Variants in DLGAP2 observed in about 807,000 individuals in gnomAD.
DLGAP2 encodes DLG associated protein 2, also known as disks large-associated protein 2.
DLGAP2 carries 26 observed loss-of-function variants against 100.3 expected under a neutral mutation model. The ratio of observed to expected loss-of-function variants is 0.26; its 90% CI spans 0.19 to 0.36. The LOEUF (loss-of-function observed/expected upper bound fraction) is 0.36. Among genes scored for constraint, DLGAP2 ranks in the 10% least tolerant of loss-of-function variants. The pLI, the probability that DLGAP2 is intolerant of heterozygous loss-of-function variation, is 1.00. For synonymous variants in DLGAP2, 886 were observed against 630.1 expected, an observed-to-expected ratio of 1.41 and a Z score of -6.08; for missense variants, 1,858 against 1,453.2, an observed-to-expected ratio of 1.28 and a Z score of -4.53.
intron 2 of DLGAP2, among the ~76,000 whole-genome samples, chr8:999,836 CTCTTT>C (rs1374044716): frequency 6.6e-6 from 1 of 152,198 alleles, no homozygotes; most frequent in Non-Finnish European, 1.5e-5. Flanking sequence ...CTTTTTTCAT[CTCTTT>C]TATTATCTCA....
chr8:1,416,364 C>G (rs10110363), intron 3 of DLGAP2, among the ~76,000 whole-genome samples: 10,934 of 152,252 alleles, frequency 0.072, 928 homozygotes, highest in East Asian at 0.34. Context: ...TGCCTGGTCA[C>G]TTGAGGGAGG....
At chr8:1,162,482 C>G (rs1390419533) in intron 2 of DLGAP2, among the ~76,000 whole-genome samples, 1 of 152,208 alleles carries the variant, frequency 6.6e-6, no homozygotes, top group Non-Finnish European at 1.5e-5. Context: ...CTGCTAGCAT[C>G]ACTAGGAACA....
chr8:897,208 C>T (rs1798159025), intron 1 of DLGAP2, among the ~76,000 whole-genome samples: 1 of 152,138 alleles, frequency 6.6e-6, no homozygotes, highest in Non-Finnish European at 1.5e-5. Context: ...GCACTCAATC[C>T]CTTATTTCAC....
chr8:1,298,013 CAG>C (rs1800229730), intron 3 of DLGAP2, among the ~76,000 whole-genome samples: 1 of 28,350 alleles, frequency 3.5e-5, no homozygotes, highest in South Asian at 1.3e-3. Flanking sequence ...CCACGTGAGA[CAG>C]GGAGGAGAAA....
intron 2 of DLGAP2, among the ~76,000 whole-genome samples, chr8:1,126,129 G>A (rs939774394): frequency 1.3e-5 from 2 of 152,226 alleles, no homozygotes. Flanking sequence ...CGGTGAATAC[G>A]TGAGGCAGTG....
chr8:1,088,429 C>T (rs1804049404), intron 2 of DLGAP2, among the ~76,000 whole-genome samples: 1 of 152,122 alleles, frequency 6.6e-6, no homozygotes, highest in Non-Finnish European at 1.5e-5. Context: ...TTTCCATCTT[C>T]TATGGCAGTT....
intron 2 of DLGAP2, among the ~76,000 whole-genome samples, chr8:1,162,099 C>A (rs928920411): frequency 1.3e-5 from 2 of 152,206 alleles, no homozygotes; most frequent in African/African-American, 4.8e-5. Context: ...TCATTAATGC[C>A]CGTAAGCCCG....
In DLGAP2 at chr8:1,298,976, G is replaced by A. The variant is rs868500103; in HGVS notation, c.106+40093G>A. Among the ~76,000 whole-genome samples, 49 of 152,222 alleles carry A rather than the reference G, an allele frequency of 3.2e-4. 1 individual carries two copies. Among genetic ancestry groups the A allele is most frequent in the Middle Eastern group, 3.4e-3 (1 of 294 alleles). On this transcript the variant is annotated intron_variant, in intron 3 of 14. Coordinates refer to ENST00000637795, the MANE Select transcript of DLGAP2 (RefSeq NM_001346810.2). ...GCATTCACGTCTGTCTCAGTGGCTCGTGCTGAATGACCCAAAGGGGCCCAA... is the reference window on the plus strand; with the variant it reads ...GCATTCACGTCTGTCTCAGTGGCTCATGCTGAATGACCCAAAGGGGCCCAA...
intron 2 of DLGAP2, among the ~76,000 whole-genome samples, chr8:1,150,240 A>G (rs994179272): frequency 6.6e-6 from 1 of 152,210 alleles, no homozygotes; most frequent in East Asian, 1.9e-4. Flanking sequence ...ATGTTTTCTC[A>G]GCTCTAGAAC....
At chr8:839,334 T>A (rs1796939254) in intron 1 of DLGAP2, among the ~76,000 whole-genome samples, 1 of 152,236 alleles carries the variant, frequency 6.6e-6, no homozygotes, top group Non-Finnish European at 1.5e-5. Flanking sequence ...TCATTCTAGA[T>A]GTCTAACAAC....
chr8:1,695,995 G>A (rs912655908), intron 13 of DLGAP2, among the ~76,000 whole-genome samples: 6 of 152,228 alleles, frequency 3.9e-5, no homozygotes, highest in African/African-American at 1.4e-4. Flanking sequence ...GGGCTCAGCC[G>A]CGCGGAGGGC....
rs1255153835 is a variant in DLGAP2 at position 1,282,871 on chromosome 8, C to A, written c.106+23988C>A. Among the ~76,000 whole-genome samples, 46 of 119,046 alleles carry A rather than the reference C, an allele frequency of 3.9e-4. 1 individual carries two copies. The highest frequency in any genetic ancestry group is 4.9e-4 in the Non-Finnish European group (28 of 57,600). 78.1% of individuals were successfully genotyped at this position (119,046 alleles called of 152,430 possible). On this transcript the variant is annotated intron_variant, in intron 3 of 14. Transcript: ENST00000637795. ...CATCCGGACGTGGTGTGACCTGAACCCAGCGCCCTGAACCATCCGGACGTG... is the reference window on the plus strand; with the variant it reads ...CATCCGGACGTGGTGTGACCTGAACACAGCGCCCTGAACCATCCGGACGTG...
chr8:1,439,024 T>TA (rs1173372577), intron 3 of DLGAP2, among the ~76,000 whole-genome samples: 1 of 152,164 alleles, frequency 6.6e-6, no homozygotes, highest in African/African-American at 2.4e-5. Context: ...TTATGAAGCT[T>TA]ATGAAGAAAC....
intron 3 of DLGAP2, among the ~76,000 whole-genome samples, chr8:1,439,635 C>G (rs989711446): frequency 6.6e-6 from 1 of 152,038 alleles, no homozygotes; most frequent in South Asian, 2.1e-4. Flanking sequence ...GGCAGAAGGA[C>G]GGAGTGCGCA....
intron 2 of DLGAP2, among the ~76,000 whole-genome samples, chr8:1,047,456 A>G (rs1330293336): frequency 2.0e-5 from 3 of 152,300 alleles, no homozygotes; most frequent in Non-Finnish European, 4.4e-5. Context: ...ATTTCCTTTG[A>G]GCATTATGTT....
chr8:1,430,025 TATACACAC>T (rs1288742949), intron 3 of DLGAP2, among the ~76,000 whole-genome samples: 7 of 98,816 alleles, frequency 7.1e-5, no homozygotes, highest in Admixed American at 1.1e-4. Flanking sequence ...TATATATATA[TATACACAC>T]ACACACATAT....
chr8:922,860 G>A (rs1798743137), intron 2 of DLGAP2, among the ~76,000 whole-genome samples: 1 of 152,134 alleles, frequency 6.6e-6, no homozygotes, highest in African/African-American at 2.4e-5. Context: ...TAATGTGCAG[G>A]CATCTTAAGC....
chr8:773,598 T>C (rs1384104354), intron 1 of DLGAP2, among the ~76,000 whole-genome samples: 1 of 150,278 alleles, frequency 6.7e-6, no homozygotes, highest in Non-Finnish European at 1.5e-5. Flanking sequence ...ATATGCGGTG[T>C]TTGGTTTTTT....
At chr8:940,897 A>G (rs1446903830) in intron 2 of DLGAP2, among the ~76,000 whole-genome samples, 1 of 152,116 alleles carries the variant, frequency 6.6e-6, no homozygotes, top group Non-Finnish European at 1.5e-5. Flanking sequence ...GGCTGAGCCC[A>G]GGAGTCACCA....
Sources: allele counts gnomAD v4.1 joint callset (sites outside exome capture counted in the v4.1 genomes callset), GRCh38; gene constraint gnomAD v4.1.1; transcripts MANE v1.5; gene names NCBI Gene and HGNC (gene_info 2026-07-23, HGNC 2026-07-21).